PKHD1: variants seen among roughly 807,000 people sequenced by gnomAD.
PKHD1 encodes PKHD1 ciliary IPT domain containing fibrocystin/polyductin, also known as fibrocystin.
A neutral mutation model predicts 412.0 loss-of-function variants in PKHD1; 291 were observed. The ratio of observed to expected loss-of-function variants is 0.71; its 90% CI spans 0.64 to 0.78. PKHD1 has a LOEUF of 0.78. Ranked by LOEUF, PKHD1 falls within the 30% of genes least tolerant of loss-of-function variation. The pLI is 0.00. For missense variants in PKHD1, 4,825 were observed against 4,950.7 expected, an observed-to-expected ratio of 0.97 and a Z score of 0.76; for synonymous variants, 1,777 against 1,821.5, an observed-to-expected ratio of 0.98 and a Z score of 0.62.
At chr6:51,929,123 C>T (rs906910459) in intron 37 of PKHD1, among the ~76,000 whole-genome samples, 7 of 151,904 alleles carry the variant, frequency 4.6e-5, no homozygotes, top group African/African-American at 1.7e-4. Context: ...AATCAGGTGA[C>T]GAGAGAGTGG....
chr6:51,827,147 C>T (rs1767453581), intron 52 of PKHD1, among the ~76,000 whole-genome samples: 1 of 152,020 alleles, frequency 6.6e-6, no homozygotes, highest in Non-Finnish European at 1.5e-5. Flanking sequence ...TGGGTTTTTA[C>T]TGTAATAATA....
chr6:51,801,634 C>T (rs1231940492), intron 52 of PKHD1, among the ~76,000 whole-genome samples: 1 of 39,534 alleles, frequency 2.5e-5, no homozygotes, highest in African/African-American at 6.8e-5. Flanking sequence ...CATCTGCTGG[C>T]CTGATTGTGT....
At chr6:51,983,165 G>A (rs1038999826) in intron 35 of PKHD1, among the ~76,000 whole-genome samples, 1 of 152,170 alleles carries the variant, frequency 6.6e-6, no homozygotes, top group African/African-American at 2.4e-5. Flanking sequence ...ACTATCCACA[G>A]TCATAACTGC....
chr6:51,962,909 C>T (rs1792285768), intron 35 of PKHD1, among the ~76,000 whole-genome samples: 1 of 152,040 alleles, frequency 6.6e-6, no homozygotes, highest in Non-Finnish European at 1.5e-5. Flanking sequence ...ACTAAGCTTA[C>T]TCAAATGAAG....
In PKHD1 at chr6:51,912,373, G is replaced by T; in HGVS notation, c.6325C>A (p.Pro2109Thr). The T allele has an allele frequency of 1.2e-6, 2 of 1,606,480 alleles. No homozygotes were observed. Among genetic ancestry groups the T allele is most frequent in the South Asian group, 1.1e-5 (1 of 90,948 alleles). ...VQDTDLYLKS[P>T]LRYSHNFTEN... ...CAAGCTGACACTCAGTACCTCAAAG[G>T]TGACTTAAGATAGAGGTCTGTATCC... The change falls in exon 38 of 67, where the codon CCT becomes ACT. Residue 2109 changes from proline (P) to threonine (T), a missense_variant. Pro to Thr is a conservative substitution (Grantham distance 38). Transcript: ENST00000371117.
intron 55 of PKHD1, among the ~76,000 whole-genome samples, chr6:51,768,683 T>C (rs1309157983): frequency 6.6e-6 from 1 of 151,826 alleles, no homozygotes; most frequent in African/African-American, 2.4e-5. Context: ...TTTTCTTGCC[T>C]GAATATATTG....
At chr6:51,780,184 T>G (rs1456457380) in intron 53 of PKHD1, among the ~76,000 whole-genome samples, 3 of 152,038 alleles carry the variant, frequency 2.0e-5, no homozygotes, top group African/African-American at 7.2e-5. Context: ...TCAAGAGATC[T>G]AGACCATTCT....
intron 64 of PKHD1, among the ~76,000 whole-genome samples, chr6:51,637,606 A>AT (rs67184827): frequency 0.043 from 2,647 of 61,276 alleles, 36 homozygotes; most frequent in Non-Finnish European, 0.064. Context: ...TCTTTTTGTT[A>AT]AAAAAAAAAA....
At chr6:51,735,776 T>A (rs9474064) in intron 60 of PKHD1, among the ~76,000 whole-genome samples, 28,005 of 150,868 alleles carry the variant, frequency 0.19, 2,909 homozygotes, top group African/African-American at 0.28. Context: ...AAATTTTTTT[T>A]AAAAAAAACT....
At chr6:51,981,724 T>C (rs1795341297) in intron 35 of PKHD1, among the ~76,000 whole-genome samples, 2 of 143,640 alleles carry the variant, frequency 1.4e-5, no homozygotes, top group Middle Eastern at 3.5e-3. Flanking sequence ...GATTGCAGCC[T>C]CTGCCCAGCC....
Position 51,748,218 on chromosome 6 carries a change from T to A in PKHD1, c.9398A>T (p.Tyr3133Phe). ...AHSSLHGLHL[Y>F]KESGLDNCTR... ...ACAGTTGTCAAGTCCACTTTCCTTA[T>A]AGAGATGAAGGCCATGAAGACTTGA... The change falls in exon 58 of 67, where the codon TAT becomes TTT. Residue 3133 changes from tyrosine to phenylalanine, a missense_variant. Physicochemically the swap from Tyr to Phe is conservative, Grantham distance 22 (BLOSUM62 3). Coordinates refer to ENST00000371117, the MANE Select transcript of PKHD1 (RefSeq NM_138694.4). 1 of 1,614,066 alleles carries A rather than the reference T, an allele frequency of 6.2e-7. No individual in the cohort carries two copies. Among genetic ancestry groups the A allele is most frequent in the Non-Finnish European group, 8.5e-7 (1 of 1,179,946 alleles).
intron 46 of PKHD1, among the ~76,000 whole-genome samples, chr6:51,881,132 C>T (rs1777277023): frequency 7.1e-6 from 1 of 141,286 alleles, no homozygotes; most frequent in Admixed American, 7.2e-5. Flanking sequence ...CATAGTGGTT[C>T]CCAAATAAAT....
At chr6:51,823,093 CAA>C (rs35945486) in intron 52 of PKHD1, among the ~76,000 whole-genome samples, 15 of 139,582 alleles carry the variant, frequency 1.1e-4, no homozygotes, top group South Asian at 2.3e-4. Context: ...GCTATAGTAG[CAA>C]AAAAAAAAAA....
chr6:52,060,153 C>A, intron 14 of PKHD1, 111 bp from the exon 15 acceptor site: 1 of 708,750 alleles, frequency 1.4e-6, no homozygotes, highest in Non-Finnish European at 2.6e-6. Context: ...AGAAGAACAA[C>A]CTGATTCTTA....
At chr6:51,856,794 C>T (rs1299487291) in intron 48 of PKHD1, among the ~76,000 whole-genome samples, 4 of 152,194 alleles carry the variant, frequency 2.6e-5, no homozygotes, top group Non-Finnish European at 5.9e-5. Flanking sequence ...TTATAAGATC[C>T]CTAAGTTAGA....
intron 36 of PKHD1, among the ~76,000 whole-genome samples, chr6:51,953,633 C>T (rs910228802): frequency 1.9e-4 from 29 of 151,842 alleles, no homozygotes; most frequent in African/African-American, 6.8e-4. Context: ...CATTTAATAC[C>T]TCACTCTGAA....
intron 60 of PKHD1, among the ~76,000 whole-genome samples, chr6:51,723,086 G>T (rs1032971865): frequency 1.2e-4 from 19 of 152,184 alleles, no homozygotes; most frequent in Admixed American, 6.5e-5. Flanking sequence ...AGGGAGAAAA[G>T]ATATTGTCTT....
chr6:51,925,457 G>GTGTGTGTGTGTGTGTA (rs1785414188), intron 37 of PKHD1, among the ~76,000 whole-genome samples: 1 of 128,930 alleles, frequency 7.8e-6, no homozygotes, highest in Admixed American at 7.3e-5. Context: ...GTGTGTGTAT[G>GTGTGTGTGTGTGTGTA]TGTGTGTGTG....
At chr6:51,624,674 A>G (rs544908547) in intron 66 of PKHD1, among the ~76,000 whole-genome samples, 32 of 152,350 alleles carry the variant, frequency 2.1e-4, no homozygotes, top group African/African-American at 7.5e-4. Context: ...ACACATATAT[A>G]GCACACATAG....
Sources: gnomAD v4.1 joint callset for allele counts (sites outside exome capture counted in the v4.1 genomes callset) on GRCh38, gnomAD v4.1.1 for gene constraint, MANE v1.5 for transcripts, NCBI Gene and HGNC (gene_info 2026-07-23, HGNC 2026-07-21) for gene names.